The following RBFOX1 variants were observed in gnomAD, a reference collection of about 807,000 sequenced individuals.
The protein encoded by RBFOX1 is RNA binding fox-1 homolog 1.
In RBFOX1, 8 loss-of-function variants were observed where a neutral mutation model predicts 57.7. The ratio of observed to expected loss-of-function variants is 0.14; its 90% confidence interval spans 0.08 to 0.25. The LOEUF is 0.25. Among genes scored for constraint, RBFOX1 ranks in the 10% least tolerant of loss-of-function variants. The pLI, the probability that RBFOX1 is intolerant of heterozygous loss-of-function variation, is 1.00. For missense variants in RBFOX1, 611 were observed against 548.5 expected, an observed-to-expected ratio of 1.11 and a Z score of -1.14; for synonymous variants, 326 against 222.4, an observed-to-expected ratio of 1.47 and a Z score of -4.15.
chr16:7,085,295 G>A (rs961260505), intron 4 of RBFOX1, among the ~76,000 whole-genome samples: 2 of 152,222 alleles, frequency 1.3e-5, no homozygotes, highest in South Asian at 4.1e-4. Context: ...CTGCCACTCA[G>A]CACCGGCTCA....
chr16:7,050,264 C>CT (rs60550468), intron 3 of RBFOX1, among the ~76,000 whole-genome samples: 2,386 of 121,070 alleles, frequency 0.02, 34 homozygotes, highest in East Asian at 0.095. Flanking sequence ...TTATTTTTAT[C>CT]TTTTTTTTTT....
In RBFOX1 at chr16:7,712,993, A is replaced by C. The variant is rs775875439; in HGVS notation, c.*2248A>C. On this transcript the variant is annotated 3_prime_UTR_variant, in exon 16 of 16. Coordinates refer to ENST00000550418, the MANE Select transcript of RBFOX1 (RefSeq NM_018723.4). ...TTAATAAAATCATTTAGAGTGAGTG[A>C]GTGCCAACCGATGTTGCAGAATCTT... 4 of 152,350 alleles carry C rather than the reference A, an allele frequency of 2.6e-5. No homozygotes were observed. Among genetic ancestry groups the C allele is most frequent in the South Asian group, 4.1e-4 (2 of 4,830 alleles). The allele number at this position is 152,350 out of a possible 1,614,324, so 9.4% of individuals were successfully genotyped here. A position where few individuals can be genotyped will look rare whatever the true frequency, so the allele number is the denominator to read the frequency against.
intron 1 of RBFOX1, among the ~76,000 whole-genome samples, chr16:5,373,733 A>G (rs2065916311): frequency 6.7e-6 from 1 of 150,308 alleles, no homozygotes; most frequent in East Asian, 2.0e-4. Flanking sequence ...CCTCCCAAGC[A>G]GCTGGGATAA....
chr16:6,112,773 GA>G (rs759520133), intron 1 of RBFOX1, among the ~76,000 whole-genome samples: 3 of 152,164 alleles, frequency 2.0e-5, no homozygotes, highest in Non-Finnish European at 2.9e-5. Flanking sequence ...ATAAAGAAGG[GA>G]CATGTCTGAG....
chr16:7,323,514 C>T, intron 4 of RBFOX1, among the ~76,000 whole-genome samples: 1 of 152,222 alleles, frequency 6.6e-6, no homozygotes, highest in Non-Finnish European at 1.5e-5. Flanking sequence ...AGAAAGCCTT[C>T]TTATAGTATT....
chr16:5,384,559 A>T (rs1214638847), intron 1 of RBFOX1, among the ~76,000 whole-genome samples: 1 of 152,210 alleles, frequency 6.6e-6, no homozygotes, highest in Non-Finnish European at 1.5e-5. Flanking sequence ...GCATATTAAG[A>T]GCCTAGAAAC....
chr16:7,184,863 C>G (rs1250374314), intron 4 of RBFOX1, among the ~76,000 whole-genome samples: 1 of 152,122 alleles, frequency 6.6e-6, no homozygotes, highest in African/African-American at 2.4e-5. Context: ...TGAAGTGTTA[C>G]TAACACTATT....
chr16:5,709,165 A>T (rs1332818548), intron 3 of RBFOX1, among the ~76,000 whole-genome samples: 3 of 152,120 alleles, frequency 2.0e-5, no homozygotes, highest in Non-Finnish European at 4.4e-5. Flanking sequence ...GCATCTGTGG[A>T]TCTGTTTCTG....
chr16:6,737,607 A>G (rs931130861), intron 3 of RBFOX1, among the ~76,000 whole-genome samples: 5 of 152,164 alleles, frequency 3.3e-5, no homozygotes, highest in Non-Finnish European at 5.9e-5. Context: ...GGCTCATTTG[A>G]TGTGAGGGCT....
At chr16:7,392,854 G>GGTTTGGTTT (rs1555830250) in intron 4 of RBFOX1, among the ~76,000 whole-genome samples, 4 of 122,988 alleles carry the variant, frequency 3.3e-5, no homozygotes, top group African/African-American at 1.3e-4. Flanking sequence ...GGTTTGGTTT[G>GGTTTGGTTT]GTTTGTTTGT....
At chr16:6,222,474 C>G (rs941594915) in intron 1 of RBFOX1, among the ~76,000 whole-genome samples, 3 of 151,674 alleles carry the variant, frequency 2.0e-5, no homozygotes, top group Non-Finnish European at 4.4e-5. Context: ...ACAATTGCAT[C>G]ATGACCATGA....
At chr16:7,498,576 C>G (rs567663360) in intron 4 of RBFOX1, among the ~76,000 whole-genome samples, 2 of 152,070 alleles carry the variant, frequency 1.3e-5, no homozygotes, top group South Asian at 2.1e-4. Context: ...CCAGTATATC[C>G]AAAGTGTTAC....
chr16:6,677,056 C>T (rs2057850295), intron 3 of RBFOX1, among the ~76,000 whole-genome samples: 1 of 152,148 alleles, frequency 6.6e-6, no homozygotes, highest in African/African-American at 2.4e-5. Flanking sequence ...GTACTAAATG[C>T]TTTCTACTTG....
intron 4 of RBFOX1, among the ~76,000 whole-genome samples, chr16:7,191,215 C>G (rs1207695779): frequency 6.6e-6 from 1 of 152,008 alleles, no homozygotes; most frequent in African/African-American, 2.4e-5. Context: ...GGAACTTTGT[C>G]TTAATAATGG....
rs2078398085 is a variant in RBFOX1 at position 6,941,231 on chromosome 16, TCCCTCCATC to T, written c.-15-110819_-15-110811del. Among the ~76,000 whole-genome samples the T allele has an allele frequency of 9.2e-5, 10 of 108,240 alleles. No individual in the cohort carries two copies. The South Asian group carries it at 3.8e-3, about 41-fold the overall frequency. The allele number at this position is 108,240 out of a possible 152,430, so 71.0% of individuals were successfully genotyped here. A position where few individuals can be genotyped will look rare whatever the true frequency, so the allele number is the denominator to read the frequency against. On this transcript the variant is annotated intron_variant, in intron 3 of 15. Coordinates refer to ENST00000550418, the MANE Select transcript of RBFOX1 (RefSeq NM_018723.4). ...CCTTCCTTCCCTCCCATTACCTCCC[TCCCTCCATC>T]CCCTCCCATTCCCTCCCTCCCATTT...
intron 4 of RBFOX1, among the ~76,000 whole-genome samples, chr16:7,179,907 G>A (rs112501887): frequency 6.7e-6 from 1 of 149,082 alleles, no homozygotes; most frequent in Non-Finnish European, 1.5e-5. Context: ...GCTAATTTTT[G>A]TATTTTTTTT....
chr16:5,258,865 A>G (rs2062655880), intron 1 of RBFOX1, among the ~76,000 whole-genome samples: 1 of 152,038 alleles, frequency 6.6e-6, no homozygotes, highest in Non-Finnish European at 1.5e-5. Flanking sequence ...GCAGTGAGCT[A>G]AGATTGCACC....
At chr16:5,865,685 T>A (rs1045706797) in intron 3 of RBFOX1, among the ~76,000 whole-genome samples, 45 of 152,308 alleles carry the variant, frequency 3.0e-4, no homozygotes, top group African/African-American at 1.0e-3. Flanking sequence ...GATTCACATT[T>A]GTGAGCTGGT....
intron 4 of RBFOX1, among the ~76,000 whole-genome samples, chr16:7,385,954 A>ATTT (rs1159666260): frequency 2.9e-5 from 4 of 138,486 alleles, no homozygotes; most frequent in African/African-American, 1.1e-4. Flanking sequence ...TTATTTATTT[A>ATTT]TTTATTTTTT....
Sources: gnomAD v4.1 joint callset for allele counts (sites outside exome capture counted in the v4.1 genomes callset) on GRCh38, gnomAD v4.1.1 for gene constraint, MANE v1.5 for transcripts, NCBI Gene and HGNC (gene_info 2026-07-23, HGNC 2026-07-21) for gene names.